The following PCDH7 variants were observed in gnomAD, a reference collection of about 807,000 sequenced individuals.
The protein encoded by PCDH7 is protocadherin-7.
A neutral mutation model predicts 58.9 loss-of-function variants in PCDH7; 17 were observed. That is an observed-to-expected ratio of 0.29 (90% CI 0.20 to 0.43). The LOEUF is 0.43. PCDH7 is among the 20% of genes least tolerant of loss of function. PCDH7 has a pLI of 1.00. For synonymous variants in PCDH7, 664 were observed against 616.4 expected, an observed-to-expected ratio of 1.08 and a Z score of -1.14; for missense variants, 1,274 against 1,441.0, an observed-to-expected ratio of 0.88 and a Z score of 1.88.
chr4:30,895,143 AAAT>A (rs942309330), intron 1 of PCDH7, among the ~76,000 whole-genome samples: 1 of 151,772 alleles, frequency 6.6e-6, no homozygotes, highest in African/African-American at 2.4e-5. Flanking sequence ...AGCAAAAAAA[AAAT>A]AATAATAATA....
intron 2 of PCDH7, among the ~76,000 whole-genome samples, chr4:30,920,777 A>G (rs1743095459): frequency 6.6e-6 from 1 of 152,168 alleles, no homozygotes; most frequent in African/African-American, 2.4e-5. Flanking sequence ...TGAAAGAAAC[A>G]TACCTTGCTC....
In PCDH7 at chr4:30,722,279, C is replaced by G. The variant is rs770271385; in HGVS notation, c.857C>G (p.Pro286Arg). Residue 286 changes from proline to arginine, a missense_variant, in exon 1 of 2, where the codon CCG becomes CGG. By Grantham distance (103) the Pro-to-Arg change is moderately radical. Transcript: ENST00000361762. The surrounding 1 kb of genome is among the most constrained non-coding windows in gnomAD (Gnocchi z 7.6). Reference sequence around the variant, plus strand: ...CTGCGAGTGCGCGACGGCGGCGACCCGCCTCGCTCCTCGCAGGCCATCCTA... The same window carrying G: ...CTGCGAGTGCGCGACGGCGGCGACCGGCCTCGCTCCTCGCAGGCCATCCTA... 1 of 1,601,812 alleles carries G rather than the reference C, an allele frequency of 6.2e-7. No individual in the cohort carries two copies.
At chr4:30,988,117 T>A (rs1466531108) in intron 3 of PCDH7, among the ~76,000 whole-genome samples, 2 of 152,228 alleles carry the variant, frequency 1.3e-5, no homozygotes, top group East Asian at 3.8e-4. Flanking sequence ...TTGTGTGTTT[T>A]ATTCAGTTTG....
intron 1 of PCDH7, among the ~76,000 whole-genome samples, chr4:30,910,725 T>C (rs1438605488): frequency 6.6e-6 from 1 of 152,174 alleles, no homozygotes. Flanking sequence ...ATAAATTAGT[T>C]CAACCATTCT....
chr4:30,731,015 A>G, exon 2 of PCDH7: 1 of 1,208,654 alleles, frequency 8.3e-7, no homozygotes, highest in Non-Finnish European at 1.0e-6. Flanking sequence ...CTACTAATGG[A>G]TGTCTGAGTC....
At chr4:31,123,155 T>C (rs1309159277) in intron 3 of PCDH7, among the ~76,000 whole-genome samples, 2 of 152,268 alleles carry the variant, frequency 1.3e-5, no homozygotes, top group South Asian at 4.1e-4. Context: ...TTTGGTACTA[T>C]AAATTTATAA....
At chr4:30,799,508 C>T (rs1425245666) in intron 1 of PCDH7, among the ~76,000 whole-genome samples, 1 of 152,054 alleles carries the variant, frequency 6.6e-6, no homozygotes, top group African/African-American at 2.4e-5. Context: ...CTGGATTATG[C>T]TATATCATAA....
intron 3 of PCDH7, among the ~76,000 whole-genome samples, chr4:30,983,754 A>G (rs1349800222): frequency 6.6e-6 from 1 of 152,248 alleles, no homozygotes; most frequent in Admixed American, 6.5e-5. Flanking sequence ...GCATGTTCAG[A>G]AGTGCTAGTG....
intron 3 of PCDH7, among the ~76,000 whole-genome samples, chr4:31,055,838 A>G (rs1212385197): frequency 2.0e-5 from 3 of 152,050 alleles, no homozygotes; most frequent in Admixed American, 1.3e-4. Flanking sequence ...CGGCCTCCCA[A>G]AGTGCTAGGA....
intron 3 of PCDH7, among the ~76,000 whole-genome samples, chr4:30,961,037 A>C (rs1047430057): frequency 6.6e-6 from 1 of 152,216 alleles, no homozygotes; most frequent in Non-Finnish European, 1.5e-5. Flanking sequence ...TGACCTCAAA[A>C]TGAAGATATG....
intron 1 of PCDH7, among the ~76,000 whole-genome samples, chr4:30,856,773 G>A (rs1560440082): frequency 6.6e-6 from 1 of 150,618 alleles, no homozygotes; most frequent in Non-Finnish European, 1.5e-5. Context: ...AAATAAGATT[G>A]CAAACAGAGG....
chr4:30,796,003 G>A (rs914425510), intron 1 of PCDH7, among the ~76,000 whole-genome samples: 2 of 152,078 alleles, frequency 1.3e-5, no homozygotes, highest in Non-Finnish European at 2.9e-5. Context: ...AATTAGGTAA[G>A]TTCATATTCT....
At chr4:31,023,600 C>T (rs914497529) in intron 3 of PCDH7, among the ~76,000 whole-genome samples, 7 of 152,116 alleles carry the variant, frequency 4.6e-5, no homozygotes, top group Admixed American at 3.3e-4. Context: ...GAAACTAAAA[C>T]AACGTAAGTA....
intron 1 of PCDH7, among the ~76,000 whole-genome samples, chr4:30,760,082 T>G (rs914561076): frequency 1.3e-5 from 2 of 152,078 alleles, no homozygotes; most frequent in Non-Finnish European, 2.9e-5. Flanking sequence ...ACTTAAGAAG[T>G]ACGGTAGTTA....
At chr4:30,742,383 A>C (rs1560321301) in intron 1 of PCDH7, among the ~76,000 whole-genome samples, 2 of 152,202 alleles carry the variant, frequency 1.3e-5, no homozygotes, top group African/African-American at 2.4e-5. Context: ...TGATGTCTCC[A>C]CTGTGTCGTA....
At chr4:30,930,701 G>T (rs996282315) in intron 2 of PCDH7, among the ~76,000 whole-genome samples, 17 of 152,168 alleles carry the variant, frequency 1.1e-4, no homozygotes, top group African/African-American at 4.1e-4. Flanking sequence ...AGAGGCTGAG[G>T]TGGGTGGATT....
At chr4:31,006,923 A>G (rs1257135387) in intron 3 of PCDH7, among the ~76,000 whole-genome samples, 1 of 109,710 alleles carries the variant, frequency 9.1e-6, no homozygotes, top group Non-Finnish European at 1.6e-5. Context: ...AGAAAAAGAA[A>G]CAAGACCTTA....
At chr4:31,067,758 C>T (rs1054765382) in intron 3 of PCDH7, among the ~76,000 whole-genome samples, 3 of 151,964 alleles carry the variant, frequency 2.0e-5, no homozygotes, top group African/African-American at 7.2e-5. Context: ...AACAAACAAG[C>T]TTCTTCCTTT....
intron 1 of PCDH7, among the ~76,000 whole-genome samples, chr4:30,806,614 A>G (rs749040230): frequency 6.6e-6 from 1 of 151,066 alleles, no homozygotes; most frequent in Non-Finnish European, 1.5e-5. Flanking sequence ...ACCATTTCCC[A>G]TTCTGAAAGC....
Sources: allele counts gnomAD v4.1 joint callset (sites outside exome capture counted in the v4.1 genomes callset), GRCh38; gene constraint gnomAD v4.1.1; non-coding constraint Gnocchi (gnomAD v3.1); transcripts MANE v1.5; gene names NCBI Gene and HGNC (gene_info 2026-07-23, HGNC 2026-07-21).